The following PLCB1 variants were observed in gnomAD, a reference collection of about 807,000 sequenced individuals.
The protein encoded by PLCB1 is 1-phosphatidylinositol 4,5-bisphosphate phosphodiesterase beta-1.
Under a neutral mutation model 161.8 loss-of-function variants are expected in PLCB1, and 46 were observed. That is an observed-to-expected ratio of 0.28 (90% confidence interval 0.22 to 0.36). The LOEUF (loss-of-function observed/expected upper bound fraction) is 0.36. Among genes scored for constraint, PLCB1 ranks in the 10% least tolerant of loss-of-function variants. The probability of loss-of-function intolerance (pLI) is 1.00; values close to 1 mark genes in which losing one functional copy is unlikely to be tolerated. For missense variants in PLCB1, 1,016 were observed against 1,472.5 expected, an observed-to-expected ratio of 0.69 and a Z score of 5.07; for synonymous variants, 517 against 503.7, an observed-to-expected ratio of 1.03 and a Z score of -0.35.
intron 26 of PLCB1, among the ~76,000 whole-genome samples, chr20:8,772,692 G>C (rs941466659): frequency 6.6e-6 from 1 of 152,164 alleles, no homozygotes; most frequent in Non-Finnish European, 1.5e-5. Context: ...CAGCACTTTG[G>C]GAGGCCGAGG....
intron 2 of PLCB1, among the ~76,000 whole-genome samples, chr20:8,159,954 C>T (rs575451141): frequency 1.7e-3 from 238 of 142,228 alleles, no homozygotes; most frequent in African/African-American, 6.0e-3. Flanking sequence ...TGCCATTGTA[C>T]TCCAGCCTGG....
At chr20:8,286,535 G>T (rs566714116) in intron 2 of PLCB1, among the ~76,000 whole-genome samples, 106 of 152,222 alleles carry the variant, frequency 7.0e-4, no homozygotes, top group African/African-American at 2.5e-3. Flanking sequence ...GAAGATAATG[G>T]ACTGTTGGCC....
At chr20:8,371,212 G>A in intron 2 of PLCB1, 170 bp from the exon 3 acceptor site, 1 of 543,338 alleles carries the variant, frequency 1.8e-6, no homozygotes, top group Non-Finnish European at 3.3e-6. Context: ...GCTGTCTTTT[G>A]TTTCCAACCT....
At chr20:8,552,224 G>A (rs1051393335) in intron 3 of PLCB1, among the ~76,000 whole-genome samples, 3 of 152,174 alleles carry the variant, frequency 2.0e-5, no homozygotes, top group Non-Finnish European at 4.4e-5. Flanking sequence ...CTTGCTATGT[G>A]AATTATTAAA....
At position 8,884,709 on chromosome 20, in the gene PLCB1, A is replaced by AAGAT. The variant is rs1327202268; in HGVS notation, c.*2863_*2866dup. 1 of 152,640 alleles carries AAGAT rather than the reference A, an allele frequency of 6.6e-6. No individual in the cohort carries two copies. The highest frequency in any genetic ancestry group is 1.5e-5 in the Non-Finnish European group (1 of 68,044). The allele number at this position is 152,640 out of a possible 1,614,324, so 9.5% of individuals were successfully genotyped here. On this transcript the variant is annotated 3_prime_UTR_variant, in exon 32 of 32. Coordinates refer to ENST00000338037, the MANE Select transcript of PLCB1 (RefSeq NM_015192.4). Reference sequence around the variant, plus strand: ...ACTCTTGCCTTTTAAGAAGAAAAAAAAGATAGGACAAAGTATTTGAAGCTC... The same window carrying AAGAT: ...ACTCTTGCCTTTTAAGAAGAAAAAAAAGATAGATAGGACAAAGTATTTGAAGCTC...
intron 31 of PLCB1, among the ~76,000 whole-genome samples, chr20:8,877,490 G>C (rs1397902340): frequency 2.0e-5 from 3 of 152,200 alleles, no homozygotes; most frequent in African/African-American, 7.2e-5. Context: ...AGCTAGAACT[G>C]AGTTGTTTGT....
intron 2 of PLCB1, among the ~76,000 whole-genome samples, chr20:8,185,388 C>T (rs2051891861): frequency 6.6e-6 from 1 of 151,974 alleles, no homozygotes; most frequent in Admixed American, 6.6e-5. Flanking sequence ...AATTATGGAA[C>T]ATTCATACAG....
intron 3 of PLCB1, among the ~76,000 whole-genome samples, chr20:8,424,872 C>T (rs996888963): frequency 1.3e-5 from 2 of 152,162 alleles, no homozygotes; most frequent in African/African-American, 2.4e-5. Flanking sequence ...GTACACTCCA[C>T]AGTGTGGGAA....
intron 1 of PLCB1, among the ~76,000 whole-genome samples, chr20:8,139,952 A>T (rs912266317): frequency 6.6e-6 from 1 of 152,208 alleles, no homozygotes; most frequent in Non-Finnish European, 1.5e-5. Flanking sequence ...GGGCAGAAAC[A>T]TTAAAGGGGC....
intron 3 of PLCB1, among the ~76,000 whole-genome samples, chr20:8,389,774 T>C (rs1039397928): frequency 4.6e-5 from 7 of 152,170 alleles, no homozygotes; most frequent in Admixed American, 2.0e-4. Context: ...TATAGAGATA[T>C]GAGAAGCACT....
chr20:8,343,496 C>G (rs970860024), intron 2 of PLCB1, among the ~76,000 whole-genome samples: 1 of 152,062 alleles, frequency 6.6e-6, no homozygotes, highest in Non-Finnish European at 1.5e-5. Context: ...TGTAGTAGCC[C>G]GTGACTTCTC....
intron 2 of PLCB1, among the ~76,000 whole-genome samples, chr20:8,246,354 T>C (rs1242861964): frequency 6.6e-6 from 1 of 151,942 alleles, no homozygotes; most frequent in Non-Finnish European, 1.5e-5. Flanking sequence ...ACTTCAGCTA[T>C]GAAAATAGGG....
chr20:8,621,538 C>G (rs1350896799), intron 3 of PLCB1, among the ~76,000 whole-genome samples: 1 of 152,194 alleles, frequency 6.6e-6, no homozygotes, highest in Non-Finnish European at 1.5e-5. Context: ...CGACTCTTTG[C>G]TAGGAAGGCA....
intron 14 of PLCB1, among the ~76,000 whole-genome samples, chr20:8,719,720 A>G (rs1979522270): frequency 6.6e-6 from 1 of 152,202 alleles, no homozygotes; most frequent in Non-Finnish European, 1.5e-5. Context: ...TGATCTGGAT[A>G]TCATTTACTC....
chr20:8,853,883 C>G (rs924534502), intron 31 of PLCB1, among the ~76,000 whole-genome samples: 1 of 152,160 alleles, frequency 6.6e-6, no homozygotes, highest in African/African-American at 2.4e-5. Context: ...AACAAAGAAG[C>G]GCTGTTCTCC....
Position 8,884,379 on chromosome 20 carries a change from A to C in PLCB1, c.*2530A>C, listed in dbSNP as rs1251732343. On this transcript the variant is annotated 3_prime_UTR_variant, in exon 32 of 32. Transcript: ENST00000338037. ...AATTCCGTACTGTGGTTTTTCCTATAATAGAAAGTAGAGCTGTGTATTAAA... is the reference window on the plus strand; with the variant it reads ...AATTCCGTACTGTGGTTTTTCCTATCATAGAAAGTAGAGCTGTGTATTAAA... The C allele has an allele frequency of 1.3e-5, 2 of 152,570 alleles. No homozygotes were observed. Among genetic ancestry groups the C allele is most frequent in the Admixed American group, 6.6e-5 (1 of 15,260 alleles). The allele number at this position is 152,570 out of a possible 1,614,324, so 9.5% of individuals were successfully genotyped here.
chr20:8,702,641 G>C (rs1177273448), intron 11 of PLCB1, among the ~76,000 whole-genome samples: 3 of 152,156 alleles, frequency 2.0e-5, no homozygotes, highest in African/African-American at 7.2e-5. Context: ...CTGGAGTTTA[G>C]TAATTGAACC....
rs578058856 is a variant in PLCB1, at chr20:8,790,546, C to G, written c.3423+285C>G. Reference sequence around the variant, plus strand: ...CTCAGACAAAGGTATTTTTATAGTCCGTTTCCCCTGGAGAATCAGAGACTA... The same window carrying G: ...CTCAGACAAAGGTATTTTTATAGTCGGTTTCCCCTGGAGAATCAGAGACTA... On this transcript the variant is annotated intron_variant, in intron 31 of 31. Coordinates refer to ENST00000338037, the MANE Select transcript of PLCB1 (RefSeq NM_015192.4). Among the ~76,000 whole-genome samples the G allele has an allele frequency of 2.6e-5, 4 of 152,226 alleles. No individual in the cohort carries two copies. In the South Asian group the frequency reaches 8.3e-4, roughly 32 times the overall value.
intron 23 of PLCB1, among the ~76,000 whole-genome samples, chr20:8,745,690 G>A (rs996577279): frequency 6.6e-6 from 1 of 151,884 alleles, no homozygotes; most frequent in African/African-American, 2.4e-5. Context: ...ATAAAGATTC[G>A]TTATTGGATT....
Sources: allele counts gnomAD v4.1 joint callset (sites outside exome capture counted in the v4.1 genomes callset), GRCh38; gene constraint gnomAD v4.1.1; transcripts MANE v1.5; gene names NCBI Gene and HGNC (gene_info 2026-07-23, HGNC 2026-07-21).